The following PARD3B variants were observed in gnomAD, a reference collection of about 807,000 sequenced individuals.
The protein encoded by PARD3B is partitioning defective 3 homolog B.
Under a neutral mutation model 130.2 loss-of-function variants are expected in PARD3B, and 103 were observed. The observed-to-expected ratio is 0.79, with a 90% confidence interval of 0.67 to 0.93. The LOEUF is 0.93. Ranked by LOEUF, PARD3B falls within the 40% of genes least tolerant of loss-of-function variation. PARD3B has a pLI of 0.00. For synonymous variants in PARD3B, 583 were observed against 553.2 expected (o/e 1.05, Z -0.76); for missense variants, 1,609 against 1,499.2 (o/e 1.07, Z -1.21).
At position 205,591,847 on chromosome 2, in the gene PARD3B, G is replaced by A. The variant is rs2054396580; in HGVS notation, c.3261-23609G>A. Among the ~76,000 whole-genome samples, 1 of 152,196 alleles carries A rather than the reference G, an allele frequency of 6.6e-6. No homozygotes were observed. Among genetic ancestry groups the A allele is most frequent in the Non-Finnish European group, 1.5e-5 (1 of 68,030 alleles). On this transcript the variant is annotated intron_variant, in intron 22 of 22. Coordinates refer to ENST00000406610, the MANE Select transcript of PARD3B (RefSeq NM_001302769.2). The surrounding 1 kb of genome is among the most constrained non-coding windows in gnomAD (Gnocchi z 4.2). ...AAAATTCAATGTCCTCACAGGCAGA[G>A]GAGAGCAAAGCCTGAGAAAGAATCT...
At chr2:205,425,782 A>G (rs369606688) in intron 19 of PARD3B, among the ~76,000 whole-genome samples, 18 of 152,310 alleles carry the variant, frequency 1.2e-4, no homozygotes, top group African/African-American at 4.3e-4. Flanking sequence ...GAGAAAAAGA[A>G]CATCAACATG....
At chr2:205,433,488 C>A (rs990834626) in intron 19 of PARD3B, among the ~76,000 whole-genome samples, 1 of 143,284 alleles carries the variant, frequency 7.0e-6, no homozygotes, top group Non-Finnish European at 1.5e-5. Flanking sequence ...GCTGAGATCA[C>A]GCCACTGCAC....
intron 1 of PARD3B, among the ~76,000 whole-genome samples, chr2:204,569,282 C>T (rs1056166454): frequency 6.6e-6 from 1 of 152,168 alleles, no homozygotes; most frequent in Non-Finnish European, 1.5e-5. Flanking sequence ...AGGTTGTGAT[C>T]TCTCATCTTT....
intron 18 of PARD3B, among the ~76,000 whole-genome samples, chr2:205,342,568 TAGG>T (rs1414517540): frequency 1.3e-5 from 2 of 152,128 alleles, no homozygotes; most frequent in Non-Finnish European, 2.9e-5. Flanking sequence ...AGACTCCAAA[TAGG>T]AGCAACATGA....
At chr2:204,826,653 T>G (rs2043589764) in intron 2 of PARD3B, among the ~76,000 whole-genome samples, 1 of 152,226 alleles carries the variant, frequency 6.6e-6, no homozygotes, top group Non-Finnish European at 1.5e-5. Flanking sequence ...TTTAAAAATA[T>G]TTTTATTTCC....
At chr2:205,126,578 A>T (rs1466366350) in intron 10 of PARD3B, among the ~76,000 whole-genome samples, 2 of 138,010 alleles carry the variant, frequency 1.4e-5, no homozygotes, top group South Asian at 2.3e-4. Flanking sequence ...CGTCTCTACT[A>T]AAAATACAAA....
At chr2:205,061,927 A>C (rs533486573) in intron 4 of PARD3B, among the ~76,000 whole-genome samples, 44 of 152,174 alleles carry the variant, frequency 2.9e-4, no homozygotes, top group African/African-American at 1.1e-3. Context: ...TTTAAGTTGA[A>C]AACCTAGAAG....
intron 2 of PARD3B, among the ~76,000 whole-genome samples, chr2:204,861,077 A>G (rs1244798718): frequency 6.6e-6 from 1 of 152,104 alleles, no homozygotes; most frequent in African/African-American, 2.4e-5. Context: ...CTTATTACAA[A>G]TAGACATTTA....
chr2:204,658,707 A>G (rs1314774479), intron 1 of PARD3B, among the ~76,000 whole-genome samples: 1 of 152,162 alleles, frequency 6.6e-6, no homozygotes, highest in East Asian at 1.9e-4. Context: ...GATTTCTAGA[A>G]AATATGTGAA....
chr2:205,447,594 G>T (rs1444845251), intron 20 of PARD3B, among the ~76,000 whole-genome samples: 2 of 152,124 alleles, frequency 1.3e-5, no homozygotes, highest in South Asian at 2.1e-4. Flanking sequence ...GGCCAGGCTG[G>T]TCTTGAACTC....
chr2:204,576,310 C>T (rs2032256296), intron 1 of PARD3B, among the ~76,000 whole-genome samples: 1 of 152,182 alleles, frequency 6.6e-6, no homozygotes, highest in Admixed American at 6.5e-5. Flanking sequence ...AGTTTGTGCG[C>T]AAGTACCCTG....
rs757361545 is a variant in PARD3B, at chr2:205,193,257, T to C, written c.2077T>C (p.Ser693Pro). ...TCCAGATCAGCACATCAACTTCAGATCTGTGACACCGGCCAGGCAGCCTGA... is the reference window on the plus strand; with the variant it reads ...TCCAGATCAGCACATCAACTTCAGACCTGTGACACCGGCCAGGCAGCCTGA... ...YFPDQHINFR[S>P]VTPARQPESI... The change falls in exon 15 of 23, where the codon TCT (serine) becomes CCT (proline). Residue 693 changes from serine (S) to proline (P), a missense_variant. Physicochemically the swap from Ser to Pro is moderately conservative, Grantham distance 74 (BLOSUM62 -1). Transcript: ENST00000406610. 1 of 1,613,710 alleles carries C rather than the reference T, an allele frequency of 6.2e-7. No homozygotes were observed. The highest frequency in any genetic ancestry group is 8.5e-7 in the Non-Finnish European group (1 of 1,179,740).
At chr2:205,450,203 G>GTA (rs1435391926) in intron 20 of PARD3B, among the ~76,000 whole-genome samples, 1 of 152,034 alleles carries the variant, frequency 6.6e-6, no homozygotes, top group African/African-American at 2.4e-5. Flanking sequence ...CATATTATTG[G>GTA]TATATATATT....
At chr2:205,073,099 A>G (rs1435098243) in intron 4 of PARD3B, among the ~76,000 whole-genome samples, 1 of 152,188 alleles carries the variant, frequency 6.6e-6, no homozygotes, top group African/African-American at 2.4e-5. Flanking sequence ...TTAGTTGAAA[A>G]TAAAGAACTA....
At chr2:204,821,082 T>G (rs562870054) in intron 2 of PARD3B, among the ~76,000 whole-genome samples, 1 of 152,308 alleles carries the variant, frequency 6.6e-6, no homozygotes, top group South Asian at 2.1e-4. Context: ...CTAATGGAGA[T>G]ATACATTAGG....
chr2:205,484,040 C>CT (rs1158501713), intron 20 of PARD3B, among the ~76,000 whole-genome samples: 1 of 152,114 alleles, frequency 6.6e-6, no homozygotes, highest in Non-Finnish European at 1.5e-5. Context: ...AGTGACTACA[C>CT]TTAATGCTAC....
chr2:205,434,645 A>G (rs1015257355), intron 19 of PARD3B, among the ~76,000 whole-genome samples: 3 of 152,162 alleles, frequency 2.0e-5, no homozygotes, highest in Non-Finnish European at 2.9e-5. Context: ...AGAGAAAACT[A>G]GAGTTAAATA....
rs1436741137 is a variant in PARD3B at position 205,044,176 on chromosome 2, G to A, written c.395-3405G>A. ...CTGCATAGTATTCCATGGTGTATAC[G>A]TGCCACATTTTCTTAATCCAGTCTA... On this transcript the variant is annotated intron_variant, in intron 3 of 22. Coordinates refer to ENST00000406610, the MANE Select transcript of PARD3B (RefSeq NM_001302769.2). 1.6e-3 allele frequency among the ~76,000 whole-genome samples: 243 copies of A among 151,830 alleles called. 1 individual carries two copies. Among genetic ancestry groups the A allele is most frequent in the African/African-American group, 5.5e-3 (227 of 41,360 alleles).
chr2:205,206,534 A>G (rs1179987424), intron 15 of PARD3B, among the ~76,000 whole-genome samples: 3 of 151,222 alleles, frequency 2.0e-5, no homozygotes, highest in Non-Finnish European at 2.9e-5. Flanking sequence ...TGTCCCTACA[A>G]AGGACATGAA....
Sources: gnomAD v4.1 joint callset for allele counts (sites outside exome capture counted in the v4.1 genomes callset) on GRCh38, gnomAD v4.1.1 for gene constraint, Gnocchi (gnomAD v3.1) non-coding constraint, MANE v1.5 for transcripts, NCBI Gene and HGNC (gene_info 2026-07-23, HGNC 2026-07-21) for gene names.